ROBO1: variants seen among roughly 807,000 people sequenced by gnomAD.
ROBO1 encodes the protein roundabout homolog 1.
A neutral mutation model predicts 195.9 loss-of-function variants in ROBO1; 149 were observed. The ratio of observed to expected loss-of-function variants is 0.76; its 90% CI spans 0.67 to 0.87. The LOEUF (loss-of-function observed/expected upper bound fraction) is 0.87, where lower values mean the gene tolerates loss of function less well. ROBO1 is among the 40% of genes least tolerant of loss of function. The pLI, the probability that ROBO1 is intolerant of heterozygous loss-of-function variation, is 0.00. For synonymous variants in ROBO1, 816 were observed against 733.2 expected (o/e 1.11, Z -1.82); for missense variants, 1,933 against 2,068.3 (o/e 0.93, Z 1.27).
At chr3:79,409,301 A>C (rs1290214639) in intron 2 of ROBO1, among the ~76,000 whole-genome samples, 1 of 152,140 alleles carries the variant, frequency 6.6e-6, no homozygotes, top group African/African-American at 2.4e-5. Flanking sequence ...ATATAGGCAA[A>C]AAAAATATAC....
chr3:79,736,463 A>G (rs961544386), intron 1 of ROBO1, among the ~76,000 whole-genome samples: 2 of 152,202 alleles, frequency 1.3e-5, no homozygotes, highest in Admixed American at 6.5e-5. Flanking sequence ...AGAATTGACT[A>G]TGGTGGGGAG....
intron 4 of ROBO1, among the ~76,000 whole-genome samples, chr3:78,769,355 TG>T (rs2083308231): frequency 1.3e-5 from 2 of 152,224 alleles, no homozygotes; most frequent in African/African-American, 2.4e-5. Flanking sequence ...CTTTAAAGTT[TG>T]TTTTGTCTGA....
chr3:78,944,647 G>C (rs2040318124), intron 3 of ROBO1, among the ~76,000 whole-genome samples: 2 of 152,334 alleles, frequency 1.3e-5, no homozygotes, highest in South Asian at 4.1e-4. Flanking sequence ...TCTCACTGGG[G>C]AGTGCCAGAC....
chr3:79,073,102 A>G (rs538005870), intron 3 of ROBO1, among the ~76,000 whole-genome samples: 22 of 151,998 alleles, frequency 1.4e-4, no homozygotes, highest in Non-Finnish European at 2.8e-4. Context: ...CATGGAGCCA[A>G]TTGCACAGCA....
chr3:78,748,412 G>T (rs867776643), intron 4 of ROBO1, among the ~76,000 whole-genome samples: 2 of 151,008 alleles, frequency 1.3e-5, no homozygotes, highest in African/African-American at 2.4e-5. Context: ...GCCATTGCAC[G>T]CCAGCCTCTG....
At chr3:79,454,897 T>C (rs2039566723) in intron 2 of ROBO1, among the ~76,000 whole-genome samples, 1 of 152,260 alleles carries the variant, frequency 6.6e-6, no homozygotes, top group African/African-American at 2.4e-5. Context: ...AAGATCAGTA[T>C]AGCCCTTCTT....
At chr3:79,364,938 G>T (rs920754664) in intron 2 of ROBO1, among the ~76,000 whole-genome samples, 1 of 152,154 alleles carries the variant, frequency 6.6e-6, no homozygotes, top group Non-Finnish European at 1.5e-5. Context: ...CTGAAAAGTA[G>T]TTCTCTTTGG....
chr3:78,624,557 A>C (rs2107458339), intron 26 of ROBO1, among the ~76,000 whole-genome samples: 1 of 152,242 alleles, frequency 6.6e-6, no homozygotes, highest in African/African-American at 2.4e-5. Context: ...ACAAGCATCC[A>C]TTTGCCTGAA....
intron 3 of ROBO1, among the ~76,000 whole-genome samples, chr3:79,086,864 T>C (rs116133873): frequency 0.014 from 2,068 of 152,278 alleles, 22 homozygotes; most frequent in Middle Eastern, 0.024. Context: ...TTTATAAAAC[T>C]CCTTTATGAG....
At chr3:79,490,604 G>A (rs2107445589) in intron 2 of ROBO1, among the ~76,000 whole-genome samples, 1 of 152,302 alleles carries the variant, frequency 6.6e-6, no homozygotes, top group Admixed American at 6.5e-5. Flanking sequence ...AAACCTAAGT[G>A]TGATTTTTCA....
chr3:79,291,414 T>C (rs754885190), intron 2 of ROBO1, among the ~76,000 whole-genome samples: 1 of 152,206 alleles, frequency 6.6e-6, no homozygotes, highest in Non-Finnish European at 1.5e-5. Context: ...CTTTCCCTTC[T>C]TCACCTGGTA....
At chr3:79,544,997 A>G (rs1009791496) in intron 2 of ROBO1, among the ~76,000 whole-genome samples, 4 of 152,176 alleles carry the variant, frequency 2.6e-5, no homozygotes, top group Non-Finnish European at 5.9e-5. Flanking sequence ...TCTAACCTCT[A>G]AAATGCTATT....
intron 2 of ROBO1, among the ~76,000 whole-genome samples, chr3:79,332,260 G>T (rs1576986813): frequency 6.9e-6 from 1 of 145,110 alleles, no homozygotes; most frequent in South Asian, 2.1e-4. Context: ...AAAAACACAA[G>T]AAGGCAGAGA....
At chr3:78,738,064 T>C (rs368158816) in intron 5 of ROBO1, among the ~76,000 whole-genome samples, 12 of 151,608 alleles carry the variant, frequency 7.9e-5, no homozygotes, top group East Asian at 3.9e-4. Context: ...ATGAAAGAAA[T>C]TGGAAGAGCA....
At chr3:79,332,194 G>A in intron 2 of ROBO1, among the ~76,000 whole-genome samples, 1 of 144,488 alleles carries the variant, frequency 6.9e-6, no homozygotes, top group African/African-American at 2.6e-5. Flanking sequence ...GAACATTATT[G>A]ATGACCTAAA....
At chr3:79,143,888 AATCT>A (rs2080587620) in intron 2 of ROBO1, among the ~76,000 whole-genome samples, 1 of 151,910 alleles carries the variant, frequency 6.6e-6, no homozygotes, top group African/African-American at 2.4e-5. Context: ...CTGAACTACT[AATCT>A]ATTATCCATA....
At chr3:79,552,006 A>AT (rs1942537066) in intron 2 of ROBO1, among the ~76,000 whole-genome samples, 1 of 146,880 alleles carries the variant, frequency 6.8e-6, no homozygotes, top group African/African-American at 2.5e-5. Flanking sequence ...AAAAAAAAAA[A>AT]AAAAAAAACA....
chr3:78,674,954 C>T (rs1265736082), intron 10 of ROBO1, among the ~76,000 whole-genome samples: 1 of 151,942 alleles, frequency 6.6e-6, no homozygotes, highest in East Asian at 1.9e-4. Flanking sequence ...ATATGGCTTT[C>T]ACAATCATTA....
chr3:79,434,905 C>T (rs1251544398), intron 2 of ROBO1, among the ~76,000 whole-genome samples: 1 of 152,128 alleles, frequency 6.6e-6, no homozygotes, highest in African/African-American at 2.4e-5. Flanking sequence ...GAGTTCATAT[C>T]CTTTGTAGGG....
Sources: allele counts gnomAD v4.1 joint callset (sites outside exome capture counted in the v4.1 genomes callset), GRCh38; gene constraint gnomAD v4.1.1; transcripts MANE v1.5; gene names NCBI Gene and HGNC (gene_info 2026-07-23, HGNC 2026-07-21).